The following ESRRG variants were observed in gnomAD, a reference collection of about 807,000 sequenced individuals.
The protein encoded by ESRRG is estrogen related receptor gamma, also known as estrogen-related receptor gamma.
A neutral mutation model predicts 44.0 loss-of-function variants in ESRRG; 13 were observed. The observed-to-expected ratio is 0.30, with a 90% CI of 0.19 to 0.47. The LOEUF (loss-of-function observed/expected upper bound fraction) is 0.47. Ranked by LOEUF, ESRRG falls within the 20% of genes least tolerant of loss-of-function variation. ESRRG has a pLI of 1.00. For missense variants in ESRRG, 395 were observed against 580.6 expected (o/e 0.68, Z 3.29); for synonymous variants, 215 against 214.6 (o/e 1.00, Z -0.02).
At chr1:216,531,275 T>C (rs1469575336) in intron 5 of ESRRG, among the ~76,000 whole-genome samples, 1 of 152,166 alleles carries the variant, frequency 6.6e-6, no homozygotes, top group African/African-American at 2.4e-5. Flanking sequence ...CTGGACAGCA[T>C]GGAAAAGCAG....
intron 5 of ESRRG, among the ~76,000 whole-genome samples, chr1:216,524,884 A>G (rs2047161623): frequency 6.6e-6 from 1 of 152,180 alleles, no homozygotes; most frequent in Non-Finnish European, 1.5e-5. Context: ...AGAGAGGAGA[A>G]CAGAAACGCA....
intron 3 of ESRRG, among the ~76,000 whole-genome samples, chr1:216,645,659 G>A (rs557516378): frequency 1.3e-5 from 2 of 152,022 alleles, no homozygotes; most frequent in South Asian, 2.1e-4. Context: ...ATCACTTGGG[G>A]CCAGGTGTTT....
Position 216,743,785 on chromosome 1 carries a change from CA to C in ESRRG, c.-13-66295del, listed in dbSNP as rs370656065. Among the ~76,000 whole-genome samples the C allele has an allele frequency of 1.5e-3, 221 of 152,214 alleles. 1 individual carries two copies. The highest frequency in any genetic ancestry group is 0.01 in the Middle Eastern group (3 of 294). ...GTTTATGATGTGCTAGGACTGTGCT[CA>C]AAATTTTACATCATTTAGTTCATCT... On this transcript the variant is annotated intron_variant, in intron 2 of 7. Transcript: ENST00000359162.
chr1:216,773,186 C>T (rs1352372261), intron 2 of ESRRG, among the ~76,000 whole-genome samples: 1 of 152,020 alleles, frequency 6.6e-6, no homozygotes, highest in Non-Finnish European at 1.5e-5. Flanking sequence ...CTGTAATATT[C>T]ATAGTGAAAG....
chr1:216,508,599 C>A (rs1188678949), intron 6 of ESRRG, among the ~76,000 whole-genome samples: 1 of 152,206 alleles, frequency 6.6e-6, no homozygotes, highest in African/African-American at 2.4e-5. Context: ...TACCCAGCTT[C>A]TCTCCAGTCT....
At chr1:216,806,217 T>C (rs2094787223) in intron 2 of ESRRG, among the ~76,000 whole-genome samples, 1 of 152,206 alleles carries the variant, frequency 6.6e-6, no homozygotes, top group Non-Finnish European at 1.5e-5. Flanking sequence ...GAGGCTAACA[T>C]GCAGCAATTA....
intron 2 of ESRRG, among the ~76,000 whole-genome samples, chr1:216,661,116 C>G (rs1432311794): frequency 6.6e-6 from 1 of 152,092 alleles, no homozygotes; most frequent in Non-Finnish European, 1.5e-5. Context: ...GTTTTTAGTT[C>G]TGATATAATG....
intron 1 of ESRRG, among the ~76,000 whole-genome samples, chr1:216,973,402 C>T (rs2072122989): frequency 6.6e-6 from 1 of 152,086 alleles, no homozygotes; most frequent in African/African-American, 2.4e-5. Context: ...AATGTTTGCA[C>T]CTGCTGTTCC....
At chr1:216,654,089 C>T (rs149871936) in intron 2 of ESRRG, among the ~76,000 whole-genome samples, 1 of 151,312 alleles carries the variant, frequency 6.6e-6, no homozygotes, top group African/African-American at 2.4e-5. Context: ...TGCCACTGCA[C>T]TCCAGCCTGG....
intron 3 of ESRRG, among the ~76,000 whole-genome samples, chr1:216,638,818 T>C (rs928872579): frequency 6.6e-6 from 1 of 152,172 alleles, no homozygotes; most frequent in Non-Finnish European, 1.5e-5. Context: ...CAATGTGTAT[T>C]ATTTGGACTG....
chr1:217,038,680 T>G (rs2083333143), intron 1 of ESRRG, among the ~76,000 whole-genome samples: 1 of 152,188 alleles, frequency 6.6e-6, no homozygotes, highest in Non-Finnish European at 1.5e-5. Context: ...TTTCCAGGAC[T>G]CTGGACCTGT....
At chr1:217,130,101 C>T (rs759243760) in intron 1 of ESRRG, among the ~76,000 whole-genome samples, 1 of 152,180 alleles carries the variant, frequency 6.6e-6, no homozygotes, top group African/African-American at 2.4e-5. Context: ...GAGTGGAATA[C>T]TACATCTAGA....
At chr1:217,060,037 T>A (rs1000728408) in intron 1 of ESRRG, among the ~76,000 whole-genome samples, 3 of 152,016 alleles carry the variant, frequency 2.0e-5, no homozygotes, top group Non-Finnish European at 4.4e-5. Flanking sequence ...TATAATTGGG[T>A]AAAGCACATG....
At chr1:216,930,884 C>G (rs2063249450) in intron 2 of ESRRG, among the ~76,000 whole-genome samples, 1 of 152,136 alleles carries the variant, frequency 6.6e-6, no homozygotes, top group Admixed American at 6.5e-5. Flanking sequence ...CTGTAGAACA[C>G]ACAAGGTTCC....
At chr1:216,542,632 T>G (rs956388700) in intron 5 of ESRRG, among the ~76,000 whole-genome samples, 2 of 152,056 alleles carry the variant, frequency 1.3e-5, no homozygotes, top group Admixed American at 1.3e-4. Context: ...TTTTTAAACT[T>G]TCACATTTTT....
At chr1:216,776,325 C>T (rs2093612622) in intron 2 of ESRRG, among the ~76,000 whole-genome samples, 1 of 152,086 alleles carries the variant, frequency 6.6e-6, no homozygotes, top group African/African-American at 2.4e-5. Flanking sequence ...CACACATTTT[C>T]CCTGACTTAA....
chr1:217,136,004 A>G (rs2093044513), intron 1 of ESRRG, among the ~76,000 whole-genome samples: 1 of 151,952 alleles, frequency 6.6e-6, no homozygotes, highest in African/African-American at 2.4e-5. Context: ...GATGAAATTT[A>G]ATTTTATTAG....
intron 1 of ESRRG, among the ~76,000 whole-genome samples, chr1:216,716,471 A>C (rs567532335): frequency 6.6e-6 from 1 of 152,090 alleles, no homozygotes; most frequent in African/African-American, 2.4e-5. Context: ...TTAAATTGAC[A>C]TGTCTGTGAT....
chr1:216,543,770 C>T (rs779242337), intron 5 of ESRRG, among the ~76,000 whole-genome samples: 12 of 151,892 alleles, frequency 7.9e-5, no homozygotes, highest in East Asian at 3.9e-4. Flanking sequence ...ATGTTTAACA[C>T]GATAATGACA....
Sources: allele counts gnomAD v4.1 joint callset (sites outside exome capture counted in the v4.1 genomes callset), GRCh38; gene constraint gnomAD v4.1.1; transcripts MANE v1.5; gene names NCBI Gene and HGNC (gene_info 2026-07-23, HGNC 2026-07-21).